The following MPP4 variants were observed in gnomAD, a reference collection of about 807,000 sequenced individuals.
The protein encoded by MPP4 is MAGUK p55 scaffold protein 4, also known as MAGUK p55 subfamily member 4.
MPP4 carries 91 observed loss-of-function variants against 98.3 expected under a neutral mutation model. That is an observed-to-expected ratio of 0.93 (90% confidence interval 0.78 to 1.10). MPP4 has a LOEUF of 1.10. MPP4 is among the 50% of genes least tolerant of loss of function. The pLI is 0.00. For missense variants in MPP4, 744 were observed against 792.9 expected (o/e 0.94, Z 0.74); for synonymous variants, 261 against 271.8 (o/e 0.96, Z 0.39).
intron 5 of MPP4, among the ~76,000 whole-genome samples, chr2:201,686,538 T>C (rs1031176357): frequency 2.0e-5 from 3 of 152,164 alleles, no homozygotes; most frequent in South Asian, 2.1e-4. Context: ...TCTTTGATCA[T>C]AGGGTATGAT....
rs537264602 is a variant in MPP4, at chr2:201,664,074, T to C, written c.1072+7A>G. 8.6e-6 allele frequency: 13 copies of C among 1,515,590 alleles called. No homozygotes were observed. The highest frequency in any genetic ancestry group is 5.5e-5 in the African/African-American group (4 of 73,214). The allele number at this position is 1,515,590 out of a possible 1,614,324, so 93.9% of individuals were successfully genotyped here. A position where few individuals can be genotyped will look rare whatever the true frequency, so the allele number is the denominator to read the frequency against. ...AAATCAGTACCAAATACTCATTTTT[T>C]ACTTACCAGATTCAAATGTTTCTTC... On this transcript the variant is annotated splice_region_variant and intron_variant, in intron 14 of 21. Transcript: ENST00000409474.
At chr2:201,664,409 G>C in intron 13 of MPP4, 10 of 1,186,052 alleles carry the variant, frequency 8.4e-6, no homozygotes, top group Non-Finnish European at 1.1e-5. Flanking sequence ...AGGGGAAAGT[G>C]GAATGTCAGG....
At chr2:201,651,191 A>G in intron 18 of MPP4, 1 of 985,464 alleles carries the variant, frequency 1.0e-6, no homozygotes, top group Non-Finnish European at 1.2e-6. Context: ...ATATCAATAC[A>G]TGGAAATGAT....
chr2:201,654,749 A>G lies in MPP4; in HGVS notation c.1381+88T>C, dbSNP rs138407993. ...TATCCCTGGTGTTGTATACTTTTAC[A>G]ACAAAGATGGAATGACATAGTTAAA... On this transcript the variant is annotated intron_variant, in intron 18 of 21. Transcript: ENST00000409474. The G allele has an allele frequency of 6.9e-6, 6 of 869,946 alleles. No homozygotes were observed. In the Admixed American group the frequency reaches 1.1e-4, roughly 17 times the overall value. The allele number at this position is 869,946 out of a possible 1,614,324, so 53.9% of individuals were successfully genotyped here. A position where few individuals can be genotyped will look rare whatever the true frequency, so the allele number is the denominator to read the frequency against.
chr2:201,688,522 C>T (rs76809329), intron 4 of MPP4, among the ~76,000 whole-genome samples: 40,481 of 151,980 alleles, frequency 0.27, 5,551 homozygotes, highest in East Asian at 0.41. Flanking sequence ...AGGGACAGAT[C>T]AGGTATATAT....
intron 3 of MPP4, among the ~76,000 whole-genome samples, chr2:201,691,003 G>A (rs1449823269): frequency 1.3e-5 from 2 of 152,198 alleles, no homozygotes; most frequent in Non-Finnish European, 2.9e-5. Flanking sequence ...CAAGGGGCCG[G>A]CTGAGCCCCC....
At chr2:201,690,764 C>T (rs1241115781) in intron 3 of MPP4, among the ~76,000 whole-genome samples, 2 of 152,218 alleles carry the variant, frequency 1.3e-5, no homozygotes, top group Non-Finnish European at 2.9e-5. Context: ...ACAAACGCTT[C>T]TCTGTACTCT....
chr2:201,670,139 A>G (rs1688300257), intron 11 of MPP4, among the ~76,000 whole-genome samples: 1 of 152,188 alleles, frequency 6.6e-6, no homozygotes, highest in South Asian at 2.1e-4. Context: ...GGAGGGAGGA[A>G]GGGAAAGAAA....
Position 201,681,045 on chromosome 2 carries a change from G to T in MPP4, c.733-11C>A, listed in dbSNP as rs1156747784. 2 of 1,603,676 alleles carry T rather than the reference G, an allele frequency of 1.2e-6. No individual in the cohort carries two copies. The highest frequency in any genetic ancestry group is 1.7e-6 in the Non-Finnish European group (2 of 1,171,610). ...GGCACGGACGTACACCTGATGGCAG[G>T]TGCATAATGACGCTATCAGAAGGTG... On this transcript the variant is annotated splice_polypyrimidine_tract_variant and intron_variant, in intron 9 of 21. Coordinates refer to ENST00000409474, the MANE Select transcript of MPP4 (RefSeq NM_033066.3).
At chr2:201,678,125 T>TA (rs1688564810) in intron 10 of MPP4, among the ~76,000 whole-genome samples, 1 of 152,194 alleles carries the variant, frequency 6.6e-6, no homozygotes, top group African/African-American at 2.4e-5. Context: ...TGGCAATGAC[T>TA]AAAAGCAGCA....
In MPP4 at chr2:201,693,996, G is replaced by A. The variant is rs768165694; in HGVS notation, c.-42C>T. ...TCTGAAAGGAATTCAGGACTAGGAA[G>A]CGGGTCAATACACGGCACACAGCTC... is the stretch of plus-strand genomic sequence containing the variant. On this transcript the variant is annotated 5_prime_UTR_variant, in exon 2 of 22. Transcript: ENST00000409474. 1.9e-6 allele frequency: 3 copies of A among 1,613,718 alleles called. No homozygotes were observed. The highest frequency in any genetic ancestry group is 2.7e-5 in the African/African-American group (2 of 74,902).
Position 201,664,068 on chromosome 2 carries a change from A to AT in MPP4, c.1072+12dup. The stretch of plus-strand genomic sequence containing the variant: ...ATTTAAAAATCAGTACCAAATACTC[A>AT]TTTTTTACTTACCAGATTCAAATGT... On this transcript the variant is annotated intron_variant, in intron 14 of 21. Coordinates refer to ENST00000409474, the MANE Select transcript of MPP4 (RefSeq NM_033066.3). The AT allele has an allele frequency of 1.3e-6, 2 of 1,508,818 alleles. No homozygotes were observed. Among genetic ancestry groups the AT allele is most frequent in the Admixed American group, 2.1e-5 (1 of 48,684 alleles). The allele number at this position is 1,508,818 out of a possible 1,614,324, so 93.5% of individuals were successfully genotyped here.
intron 9 of MPP4, 79 bp downstream of exon 9, chr2:201,681,417 G>C: frequency 1.7e-6 from 2 of 1,174,608 alleles, no homozygotes; most frequent in East Asian, 2.4e-5. Flanking sequence ...ACAAAGGATA[G>C]GATTATTACG....
chr2:201,698,610 T>C lies in MPP4; in HGVS notation c.-124A>G. On this transcript the variant is annotated 5_prime_UTR_variant, in exon 1 of 22. Coordinates refer to ENST00000409474, the MANE Select transcript of MPP4 (RefSeq NM_033066.3). ...ACCTGCAAGACTGTAAACATGCATG[T>C]TGCTCCTATCCAGACAAAAGCTTTA... is the stretch of plus-strand genomic sequence containing the variant. 2 of 1,303,930 alleles carry C rather than the reference T, an allele frequency of 1.5e-6. No homozygotes were observed. The highest frequency in any genetic ancestry group is 1.5e-5 in the African/African-American group (1 of 65,944). 80.8% of individuals were successfully genotyped at this position (1,303,930 alleles called of 1,614,324 possible).
At chr2:201,696,960 A>G (rs1343771309) in intron 1 of MPP4, among the ~76,000 whole-genome samples, 5 of 152,134 alleles carry the variant, frequency 3.3e-5, no homozygotes, top group African/African-American at 1.2e-4. Flanking sequence ...CCCACCCCCA[A>G]TTCAGATGTT....
At chr2:201,675,767 A>G (rs1688491386) in intron 10 of MPP4, among the ~76,000 whole-genome samples, 1 of 152,106 alleles carries the variant, frequency 6.6e-6, no homozygotes, top group African/African-American at 2.4e-5. Context: ...ACCTCTGTTG[A>G]CTTGTTCCTC....
intron 15 of MPP4, among the ~76,000 whole-genome samples, chr2:201,659,081 A>G (rs964608345): frequency 1.3e-5 from 2 of 152,010 alleles, no homozygotes; most frequent in African/African-American, 4.8e-5. Context: ...TTTTTAGTAG[A>G]GATGGAGTTT....
In MPP4 at chr2:201,656,347, C is replaced by T. The variant is rs746059241; in HGVS notation, c.1151G>A (p.Arg384His). 31 of 1,552,572 alleles carry T rather than the reference C, an allele frequency of 2.0e-5. No homozygotes were observed. Among genetic ancestry groups the T allele is most frequent in the African/African-American group, 6.8e-5 (5 of 73,190 alleles). Residue 384 changes from arginine (R) to histidine (H), a missense_variant, in exon 17 of 22, where the codon CGC (arginine) becomes CAC (histidine). Coordinates refer to ENST00000409474, the MANE Select transcript of MPP4 (RefSeq NM_033066.3). ...FFIAGFRRSM[R>H]LCRRKSHLSP... Reference sequence around the variant, plus strand: ...GAGGTGAGACTTCCTGCGACAAAGGCGCATGCTGCGGCGGAAGCCAGCTAG... The same window carrying T: ...GAGGTGAGACTTCCTGCGACAAAGGTGCATGCTGCGGCGGAAGCCAGCTAG...
intron 10 of MPP4, among the ~76,000 whole-genome samples, chr2:201,676,891 T>TC (rs1371996985): frequency 6.6e-6 from 1 of 152,142 alleles, no homozygotes; most frequent in Admixed American, 6.5e-5. Flanking sequence ...AGAGCAAGAC[T>TC]CCATCTCAAA....
Sources: gnomAD v4.1 joint callset for allele counts (sites outside exome capture counted in the v4.1 genomes callset) on GRCh38, gnomAD v4.1.1 for gene constraint, MANE v1.5 for transcripts, NCBI Gene and HGNC (gene_info 2026-07-23, HGNC 2026-07-21) for gene names.